RBPMS: variants seen among roughly 807,000 people sequenced by gnomAD.
RBPMS encodes RNA-binding protein with multiple splicing.
In RBPMS, 7 loss-of-function variants were observed where a neutral mutation model predicts 26.8. The ratio of observed to expected loss-of-function variants is 0.26; its 90% CI spans 0.15 to 0.49. The LOEUF is 0.49. Ranked by LOEUF, RBPMS falls within the 20% of genes least tolerant of loss-of-function variation. RBPMS has a pLI of 0.98. For synonymous variants in RBPMS, 96 were observed against 93.3 expected, an observed-to-expected ratio of 1.03 and a Z score of -0.17; for missense variants, 186 against 250.0, an observed-to-expected ratio of 0.74 and a Z score of 1.73.
chr8:30,559,055 C>T, intron 7 of RBPMS, 99 bp downstream of exon 7: 1 of 938,070 alleles, frequency 1.1e-6, no homozygotes, highest in Non-Finnish European at 1.7e-6. Context: ...TCTCTGCACC[C>T]ACACCTTATG....
chr8:30,511,131 A>T (rs912666724), intron 5 of RBPMS, among the ~76,000 whole-genome samples: 1 of 151,566 alleles, frequency 6.6e-6, no homozygotes, highest in Non-Finnish European at 1.5e-5. Flanking sequence ...CCTGGCCAAC[A>T]TGGTGAAACC....
chr8:30,501,949 C>A (rs930071630), intron 4 of RBPMS, among the ~76,000 whole-genome samples: 2 of 152,030 alleles, frequency 1.3e-5, no homozygotes, highest in Non-Finnish European at 2.9e-5. Context: ...TTTTTCTCCT[C>A]TTCATCATCC....
At chr8:30,462,583 G>A (rs1430160972) in intron 1 of RBPMS, among the ~76,000 whole-genome samples, 1 of 151,980 alleles carries the variant, frequency 6.6e-6, no homozygotes, top group East Asian at 1.9e-4. Context: ...ACCACGCCCA[G>A]CTAATTTTTG....
intron 5 of RBPMS, chr8:30,537,470 T>TA (rs1824914128): frequency 2.3e-6 from 1 of 434,794 alleles, no homozygotes; most frequent in East Asian, 7.1e-5. Context: ...CGGTGGAAGT[T>TA]AAAGTCAGTC....
In RBPMS at chr8:30,411,325, A is replaced by G. The variant is rs904115167; in HGVS notation, c.66+26167A>G. Among the ~76,000 whole-genome samples, 6 of 151,526 alleles carry G rather than the reference A, an allele frequency of 4.0e-5. No individual in the cohort carries two copies. In the South Asian group the frequency reaches 1.0e-3, roughly 26 times the overall value. The stretch of plus-strand genomic sequence containing the variant: ...CTTCTGGAGATTCTGTGGGAGACAG[A>G]GGACGGAGGGTGGTGTGTGTTCCTT... On this transcript the variant is annotated intron_variant, in intron 1 of 8. Coordinates refer to ENST00000397323, the MANE Select transcript of RBPMS (RefSeq NM_001008710.3).
chr8:30,531,751 T>C (rs1824246353), intron 5 of RBPMS, among the ~76,000 whole-genome samples: 1 of 152,234 alleles, frequency 6.6e-6, no homozygotes, highest in African/African-American at 2.4e-5. Flanking sequence ...GGCCTTGTTA[T>C]GGTTGTTCTT....
At chr8:30,501,721 G>C (rs1236108551) in intron 4 of RBPMS, among the ~76,000 whole-genome samples, 1 of 152,234 alleles carries the variant, frequency 6.6e-6, no homozygotes, top group Non-Finnish European at 1.5e-5. Flanking sequence ...TTATGAGCAA[G>C]AGAGGAAAAG....
intron 1 of RBPMS, among the ~76,000 whole-genome samples, chr8:30,471,633 G>A (rs1175354503): frequency 6.6e-6 from 1 of 152,120 alleles, no homozygotes; most frequent in Non-Finnish European, 1.5e-5. Context: ...TGGTATTCTC[G>A]CTCTGCCCAG....
chr8:30,552,766 A>G (rs982338264), intron 6 of RBPMS: 1 of 152,376 alleles, frequency 6.6e-6, no homozygotes, highest in Admixed American at 6.5e-5. Flanking sequence ...TGCTTAGGAC[A>G]GACAGGAAAA....
intron 1 of RBPMS, among the ~76,000 whole-genome samples, chr8:30,422,956 C>T (rs1810963720): frequency 6.6e-6 from 1 of 152,208 alleles, no homozygotes; most frequent in Non-Finnish European, 1.5e-5. Context: ...TCTATGATCG[C>T]AGCAAGTCCC....
intron 7 of RBPMS, chr8:30,562,118 G>T (rs1204316734): frequency 2.4e-6 from 2 of 841,962 alleles, no homozygotes; most frequent in East Asian, 2.5e-4. Context: ...ATCACTTGAT[G>T]CCAGAAGTTT....
intron 5 of RBPMS, among the ~76,000 whole-genome samples, chr8:30,517,651 G>A (rs1822488818): frequency 6.6e-6 from 1 of 152,182 alleles, no homozygotes; most frequent in Admixed American, 6.5e-5. Flanking sequence ...ATAAGGTACA[G>A]TTCTGCTCTT....
chr8:30,495,746 T>C (rs1169560629), intron 4 of RBPMS, among the ~76,000 whole-genome samples: 1 of 152,218 alleles, frequency 6.6e-6, no homozygotes, highest in Non-Finnish European at 1.5e-5. Context: ...AAGTATGAAA[T>C]ACGGTTTACA....
Position 30,453,461 on chromosome 8 carries a change from GAAAC to G in RBPMS, c.67-21314_67-21311del, listed in dbSNP as rs945548043. Among the ~76,000 whole-genome samples, 6 of 152,196 alleles carry G rather than the reference GAAAC, an allele frequency of 3.9e-5. No individual in the cohort carries two copies. The South Asian group carries it at 8.3e-4, about 21-fold the overall frequency. ...ATATATTCTACTTTTCTAAAAAAAA[GAAAC>G]AAAACAGCTTTTAGCTTCTTGGAAA... On this transcript the variant is annotated intron_variant, in intron 1 of 8. Transcript: ENST00000397323.
At chr8:30,448,118 GC>G (rs1814098289) in intron 1 of RBPMS, among the ~76,000 whole-genome samples, 1 of 152,192 alleles carries the variant, frequency 6.6e-6, no homozygotes, top group Non-Finnish European at 1.5e-5. Context: ...CAATTGTAGT[GC>G]CCACTGTTTA....
intron 1 of RBPMS, among the ~76,000 whole-genome samples, chr8:30,452,389 G>A (rs2150749644): frequency 6.6e-6 from 1 of 152,304 alleles, no homozygotes; most frequent in South Asian, 2.1e-4. Flanking sequence ...TAGACTAGAT[G>A]TCACTGGGCA....
At chr8:30,556,310 C>CTGGTCACATG in intron 6 of RBPMS, 1 of 985,714 alleles carries the variant, frequency 1.0e-6, no homozygotes, top group South Asian at 4.7e-5. Flanking sequence ...TGGAGTGCGC[C>CTGGTCACATG]TCGACCAGGC....
intron 1 of RBPMS, among the ~76,000 whole-genome samples, chr8:30,389,571 T>C (rs1807536912): frequency 6.6e-6 from 1 of 152,214 alleles, no homozygotes; most frequent in Non-Finnish European, 1.5e-5. Context: ...TCAGGCCCTT[T>C]GATTTAGTAC....
intron 7 of RBPMS, 117 bp from the exon 8 acceptor site, chr8:30,566,140 C>CT (rs1320965495): frequency 2.7e-6 from 1 of 372,984 alleles, no homozygotes; most frequent in Non-Finnish European, 3.7e-6. Flanking sequence ...CCTTTGATCT[C>CT]TTTCGGCGTT....
Sources: gnomAD v4.1 joint callset for allele counts (sites outside exome capture counted in the v4.1 genomes callset) on GRCh38, gnomAD v4.1.1 for gene constraint, MANE v1.5 for transcripts, NCBI Gene and HGNC (gene_info 2026-07-23, HGNC 2026-07-21) for gene names.